Variants in USP9X observed in about 807,000 individuals in gnomAD.
USP9X encodes the protein ubiquitin specific peptidase 9 X-linked, also known as ubiquitin carboxyl-terminal hydrolase 9X.
USP9X carries 7 observed loss-of-function variants against 190.3 expected under a neutral mutation model. The ratio of observed to expected loss-of-function variants is 0.04; its 90% CI spans 0.02 to 0.07. The LOEUF (loss-of-function observed/expected upper bound fraction) is 0.07. Ranked by LOEUF, USP9X falls within the 10% of genes least tolerant of loss-of-function variation. The pLI, the probability that USP9X is intolerant of heterozygous loss-of-function variation, is 1.00. For synonymous variants in USP9X, 645 were observed against 659.5 expected (o/e 0.98, Z 0.34); for missense variants, 1,010 against 1,916.9 (o/e 0.53, Z 8.83).
At chrX:41,178,170 G>A (rs944391145) in intron 21 of USP9X, among the ~76,000 whole-genome samples, 16 of 92,539 alleles carry the variant, frequency 1.7e-4, no homozygotes, top group Non-Finnish European at 2.5e-4. Context: ...GCGTGATTTC[G>A]GCTCACTGCA....
At position 41,198,598 on chromosome X, in the gene USP9X, C is replaced by G; in HGVS notation, c.4451C>G (p.Pro1484Arg). The G allele has an allele frequency of 8.3e-7, 1 of 1,211,330 alleles. No homozygotes were observed. The highest frequency in any genetic ancestry group is 1.1e-6 in the Non-Finnish European group (1 of 895,280). Residue 1484 changes from proline (P) to arginine (R), a missense_variant, in exon 30 of 45, where the codon CCA becomes CGA. Coordinates refer to ENST00000378308, the MANE Select transcript of USP9X (RefSeq NM_001039591.3). ...YLQYMRNGEL[P>R]AEQAIPVCGS... is the part of the protein sequence containing the mutation. ...CAGTATATGAGAAATGGAGAGCTTC[C>G]AGCTGAACAGGCTATTCCGGTCTGT...
In USP9X at chrX:41,130,591, C is replaced by T. The variant is rs571243536; in HGVS notation, c.243-866C>T. Among the ~76,000 whole-genome samples, 16 of 107,851 alleles carry T rather than the reference C, an allele frequency of 1.5e-4. No homozygotes were observed. In the South Asian group the frequency reaches 4.1e-3, roughly 28 times the overall value. The allele number at this position is 107,851 out of a possible 115,157, so 93.7% of individuals were successfully genotyped here. On this transcript the variant is annotated intron_variant, in intron 3 of 44. Transcript: ENST00000378308. ...GCAACCTTCGCCTCCTGGGTTCAAG[C>T]GATTCTCCTGCCTCAGCCTCCCGAG...
intron 2 of USP9X, among the ~76,000 whole-genome samples, chrX:41,125,674 A>T (rs866365251): frequency 6.6e-5 from 3 of 45,526 alleles, no homozygotes; most frequent in African/African-American, 1.9e-4. Flanking sequence ...ACACACACAC[A>T]CACACACACA....
At chrX:41,133,140 C>T (rs746274484) in intron 4 of USP9X, among the ~76,000 whole-genome samples, 1 of 111,831 alleles carries the variant, frequency 8.9e-6, no homozygotes, top group African/African-American at 3.2e-5. Context: ...AACTCCATGG[C>T]AAGGGAAAGT....
intron 24 of USP9X, 85 bp from the exon 25 acceptor site, chrX:41,187,907 C>A: frequency 1.0e-6 from 1 of 952,682 alleles, no homozygotes; most frequent in East Asian, 3.6e-5. Flanking sequence ...TTCCTATTTC[C>A]TTTACAAAGT....
chrX:41,086,449 C>G (rs924914158), intron 1 of USP9X, among the ~76,000 whole-genome samples: 58 of 112,414 alleles, frequency 5.2e-4, no homozygotes, highest in Non-Finnish European at 1.0e-3. Flanking sequence ...GCAGCCCCCC[C>G]GCCGTCCGCA....
intron 1 of USP9X, among the ~76,000 whole-genome samples, chrX:41,117,474 T>A (rs1305130723): frequency 3.6e-5 from 4 of 111,112 alleles, no homozygotes; most frequent in Admixed American, 1.9e-4. Flanking sequence ...CTCCAAATGC[T>A]AAAAGAACTG....
At position 41,204,412 on chromosome X, in the gene USP9X, TG is replaced by T. The variant is rs1378144372; in HGVS notation, c.4825-890del. ...CCAGTGTCTTGAAGCTTTTGCCCTA[TG>T]TTTTTTTTTTTTTTTTAACAGTTCT... On this transcript the variant is annotated intron_variant, in intron 31 of 44. Coordinates refer to ENST00000378308, the MANE Select transcript of USP9X (RefSeq NM_001039591.3). 1.8e-4 allele frequency among the ~76,000 whole-genome samples: 11 copies of T among 61,640 alleles called. No homozygotes were observed. The East Asian group carries it at 2.9e-3, about 16-fold the overall frequency. The allele number at this position is 61,640 out of a possible 115,157, so 53.5% of individuals were successfully genotyped here. A position where few individuals can be genotyped will look rare whatever the true frequency, so the allele number is the denominator to read the frequency against.
At chrX:41,102,564 A>C (rs1190790989) in intron 1 of USP9X, among the ~76,000 whole-genome samples, 4 of 111,703 alleles carry the variant, frequency 3.6e-5, no homozygotes, top group Non-Finnish European at 1.9e-5. Context: ...TGGAGGTTGC[A>C]GTGAGTTGAG....
At chrX:41,182,584 T>C (rs761300742) in intron 21 of USP9X, among the ~76,000 whole-genome samples, 2 of 110,903 alleles carry the variant, frequency 1.8e-5, no homozygotes, top group East Asian at 2.8e-4. Flanking sequence ...TCAACTTCTT[T>C]ATGCTTGCAG....
Position 41,166,031 on chromosome X carries a change from T to C in USP9X, c.2145T>C (p.Ile715=). ...ATGAACCAGACTTAGATCCTGATAT[T>C]AATAAGGACTTCTTTGAAAGTAATG... is the stretch of plus-strand genomic sequence containing the variant. The part of the protein sequence containing the change: ...MGDEPDLDPD[I]NKDFFESNVL... The change falls in exon 16 of 45, where the codon ATT becomes ATC. Residue 715 remains isoleucine (I), a synonymous_variant. Transcript: ENST00000378308. 8.3e-7 allele frequency: 1 copy of C among 1,211,443 alleles called. No individual in the cohort carries two copies. The highest frequency in any genetic ancestry group is 1.1e-6 in the Non-Finnish European group (1 of 895,338).
intron 41 of USP9X, among the ~76,000 whole-genome samples, chrX:41,227,706 CT>C (rs373162842): frequency 3.9e-4 from 41 of 104,554 alleles, no homozygotes; most frequent in Admixed American, 8.2e-4. Context: ...GATTCCAGAA[CT>C]TTTTTTTTTT....
chrX:41,107,747 C>T (rs2062080997), intron 1 of USP9X, among the ~76,000 whole-genome samples: 1 of 111,848 alleles, frequency 8.9e-6, no homozygotes, highest in African/African-American at 3.3e-5. Flanking sequence ...ATCTAACAGT[C>T]TGTATCTTTG....
rs2062711098 is a variant in USP9X, at chrX:41,169,996, G to A, written c.2638G>A (p.Ala880Thr). Residue 880 changes from alanine (A) to threonine (T), a missense_variant and splice_region_variant, in exon 19 of 45, where the codon GCA becomes ACA. Ala to Thr is a moderately conservative substitution (Grantham distance 58, BLOSUM62 0). This residue lies in a region of USP9X where 351 missense variants were observed against 480.8 expected (regional missense o/e 0.73). Transcript: ENST00000378308. ...EERTILPMSR[A>T]FRGKHLSFVV... ...GTCTGTCTTTCTTTTTCCCCCCAGA[G>A]CATTCCGCGGTAAACACCTCTCTTT... is the stretch of plus-strand genomic sequence containing the variant. 2 of 1,211,056 alleles carry A rather than the reference G, an allele frequency of 1.7e-6. No homozygotes were observed. Among genetic ancestry groups the A allele is most frequent in the Non-Finnish European group, 2.2e-6 (2 of 895,220 alleles).
At chrX:41,115,998 C>T (rs2062145609) in intron 1 of USP9X, among the ~76,000 whole-genome samples, 4 of 111,609 alleles carry the variant, frequency 3.6e-5, no homozygotes, top group Non-Finnish European at 5.6e-5. Context: ...TTCAGTTCTG[C>T]AAAGTTTAAA....
At chrX:41,158,008 AAG>A (rs2062594227) in intron 14 of USP9X, among the ~76,000 whole-genome samples, 1 of 111,863 alleles carries the variant, frequency 8.9e-6, no homozygotes, top group African/African-American at 3.3e-5. Context: ...AAATATTCAT[AAG>A]AGGGGCTAAA....
chrX:41,117,406 A>G (rs949107663), intron 1 of USP9X, among the ~76,000 whole-genome samples: 1 of 111,550 alleles, frequency 9.0e-6, no homozygotes, highest in African/African-American at 3.3e-5. Context: ...TATAGATGGA[A>G]GGATATTGTG....
chrX:41,203,203 AACATGAAACTT>A (rs1235967988), intron 31 of USP9X, among the ~76,000 whole-genome samples: 1 of 112,253 alleles, frequency 8.9e-6, no homozygotes, highest in Non-Finnish European at 1.9e-5. Flanking sequence ...AAATACATAT[AACATGAAACTT>A]ACCATCTGTT....
intron 6 of USP9X, among the ~76,000 whole-genome samples, chrX:41,137,977 G>T (rs932999476): frequency 1.8e-5 from 2 of 110,725 alleles, no homozygotes; most frequent in African/African-American, 3.3e-5. Flanking sequence ...ATTTTTAGAT[G>T]ACTTCTGGTT....
Sources: allele counts gnomAD v4.1 joint callset (sites outside exome capture counted in the v4.1 genomes callset), GRCh38; gene constraint gnomAD v4.1.1; regional missense constraint gnomAD v4.1.1; transcripts MANE v1.5; gene names NCBI Gene and HGNC (gene_info 2026-07-23, HGNC 2026-07-21).